MGAT5: variants seen among roughly 807,000 people sequenced by gnomAD.
MGAT5 encodes the protein alpha-1,6-mannosylglycoprotein 6-beta-N-acetylglucosaminyltransferase.
MGAT5 carries 30 observed loss-of-function variants against 94.3 expected under a neutral mutation model. The observed-to-expected ratio is 0.32, with a 90% CI of 0.24 to 0.43. MGAT5 has a LOEUF of 0.43. MGAT5 is among the 20% of genes least tolerant of loss of function. The probability of loss-of-function intolerance (pLI) is 1.00; values close to 1 mark genes in which losing one functional copy is unlikely to be tolerated. For synonymous variants in MGAT5, 310 were observed against 322.9 expected (o/e 0.96, Z 0.43); for missense variants, 691 against 905.5 (o/e 0.76, Z 3.04).
intron 2 of MGAT5, among the ~76,000 whole-genome samples, chr2:134,297,685 A>G (rs981837816): frequency 1.3e-5 from 2 of 152,214 alleles, no homozygotes; most frequent in Non-Finnish European, 2.9e-5. Context: ...CTGATTCATG[A>G]AAGCAATTCT....
intron 1 of MGAT5, among the ~76,000 whole-genome samples, chr2:134,167,416 G>A (rs1688012126): frequency 6.6e-6 from 1 of 152,218 alleles, no homozygotes; most frequent in Non-Finnish European, 1.5e-5. Context: ...ACTTCAGCAT[G>A]CATCCAAGAA....
chr2:134,279,814 A>C (rs940361254), intron 2 of MGAT5, among the ~76,000 whole-genome samples: 3 of 152,240 alleles, frequency 2.0e-5, no homozygotes, highest in Non-Finnish European at 4.4e-5. Context: ...GATTCAATAG[A>C]CATTCCACAG....
chr2:134,346,084 T>C (rs1158822698), intron 8 of MGAT5, among the ~76,000 whole-genome samples: 1 of 152,194 alleles, frequency 6.6e-6, no homozygotes, highest in Non-Finnish European at 1.5e-5. Context: ...GGTGTTTTTC[T>C]GGTTTTTGGC....
chr2:134,120,054 G>A (rs866888521), upstream of MGAT5: 51 of 152,852 alleles, frequency 3.3e-4, no homozygotes, highest in African/African-American at 1.2e-3. Flanking sequence ...CCTCTGCTGC[G>A]TCTCGGGGCT....
rs1346335006 is a variant in MGAT5 at position 134,209,176 on chromosome 2, T to A, written c.-142-45086T>A. ...TATTTTTTTTTTTTTTTTTATTTTTTTTTTTATTTTTTAATTATTATTATT... is the reference window on the plus strand; with the variant it reads ...TATTTTTTTTTTTTTTTTTATTTTTATTTTTATTTTTTAATTATTATTATT... On this transcript the variant is annotated intron_variant, in intron 1 of 16. Transcript: ENST00000409645. 1.0e-3 allele frequency among the ~76,000 whole-genome samples: 21 copies of A among 20,258 alleles called. 2 individuals carry two copies. The highest frequency in any genetic ancestry group is 6.8e-3 in the East Asian group (1 of 146). 13.3% of individuals were successfully genotyped at this position (20,258 alleles called of 152,430 possible). A position where few individuals can be genotyped will look rare whatever the true frequency, so the allele number is the denominator to read the frequency against.
chr2:134,361,350 C>A (rs985934726), intron 9 of MGAT5, among the ~76,000 whole-genome samples: 3 of 152,192 alleles, frequency 2.0e-5, no homozygotes, highest in African/African-American at 7.2e-5. Context: ...TAATATCAGC[C>A]ACACATGGGC....
chr2:134,316,736 A>G (rs368311621), intron 2 of MGAT5, among the ~76,000 whole-genome samples: 3 of 152,144 alleles, frequency 2.0e-5, no homozygotes, highest in East Asian at 1.9e-4. Context: ...CTGGTGTTCT[A>G]TGGCACTGTA....
intron 9 of MGAT5, among the ~76,000 whole-genome samples, chr2:134,352,160 G>A (rs1023887886): frequency 6.6e-5 from 10 of 152,116 alleles, no homozygotes; most frequent in African/African-American, 1.9e-4. Flanking sequence ...TAGCAAAACC[G>A]CCTCTGCATT....
At chr2:134,269,896 CTGTAGCTT>C (rs1488019444) in intron 1 of MGAT5, among the ~76,000 whole-genome samples, 1 of 152,164 alleles carries the variant, frequency 6.6e-6, no homozygotes, top group African/African-American at 2.4e-5. Flanking sequence ...AAATCTGGAG[CTGTAGCTT>C]TTATGAAGTG....
At chr2:134,249,861 C>T (rs940682832), upstream of MGAT5, among the ~76,000 whole-genome samples, 2 of 152,236 alleles carry the variant, frequency 1.3e-5, no homozygotes, top group South Asian at 2.1e-4. Context: ...ACACTGGCTG[C>T]GCCATTTGAT....
At chr2:134,214,220 C>A (rs1164642281) in intron 1 of MGAT5, among the ~76,000 whole-genome samples, 2 of 151,858 alleles carry the variant, frequency 1.3e-5, no homozygotes, top group African/African-American at 4.8e-5. Flanking sequence ...GCTTCCAAGA[C>A]CCTTGAAAGC....
chr2:134,341,372 C>T (rs980483346), intron 6 of MGAT5, among the ~76,000 whole-genome samples: 4 of 152,200 alleles, frequency 2.6e-5, no homozygotes, highest in African/African-American at 7.2e-5. Flanking sequence ...ACCTTGTACT[C>T]ATAGCCATAC....
At chr2:134,222,946 C>CT (rs1271532993) in intron 1 of MGAT5, among the ~76,000 whole-genome samples, 1 of 151,912 alleles carries the variant, frequency 6.6e-6, no homozygotes, top group Non-Finnish European at 1.5e-5. Context: ...CAGCAATTAG[C>CT]TATACAAAAC....
chr2:134,327,089 A>G (rs1007559176), intron 4 of MGAT5, among the ~76,000 whole-genome samples: 8 of 152,132 alleles, frequency 5.3e-5, no homozygotes, highest in African/African-American at 1.9e-4. Flanking sequence ...AAAATTGGCT[A>G]TAGTTTTTTG....
Position 134,341,779 on chromosome 2 carries a change from A to G in MGAT5, c.977+20A>G, listed in dbSNP as rs775555496. 5.7e-6 allele frequency: 9 copies of G among 1,579,428 alleles called. No individual in the cohort carries two copies. Among genetic ancestry groups the G allele is most frequent in the African/African-American group, 1.4e-5 (1 of 72,844 alleles). On this transcript the variant is annotated intron_variant, in intron 7 of 15. Transcript: ENST00000281923. ...CAAGGAGTAAGGAGATTACTTTTCAATTTTAAAATCAGAATACAAAAAAGA... is the reference window on the plus strand; with the variant it reads ...CAAGGAGTAAGGAGATTACTTTTCAGTTTTAAAATCAGAATACAAAAAAGA...
intron 1 of MGAT5, among the ~76,000 whole-genome samples, chr2:134,166,411 G>A (rs1402641731): frequency 6.6e-6 from 1 of 152,192 alleles, no homozygotes; most frequent in Non-Finnish European, 1.5e-5. Context: ...TAAACATTCT[G>A]GGTTTCTGGG....
chr2:134,128,163 G>A (rs1183693561), intron 1 of MGAT5, among the ~76,000 whole-genome samples: 1 of 151,132 alleles, frequency 6.6e-6, no homozygotes, highest in Admixed American at 6.6e-5. Context: ...GAGCCCAGGA[G>A]TTTGAGACCA....
intron 4 of MGAT5, 52 bp downstream of exon 4, chr2:134,318,791 C>A: frequency 7.8e-7 from 1 of 1,275,210 alleles, no homozygotes; most frequent in East Asian, 2.3e-5. Context: ...TTGGACTGTT[C>A]TGTAGCTGAG....
At chr2:134,282,320 T>C (rs1018364065) in intron 2 of MGAT5, among the ~76,000 whole-genome samples, 5 of 152,202 alleles carry the variant, frequency 3.3e-5, no homozygotes, top group Admixed American at 2.0e-4. Flanking sequence ...GCCAGGCACC[T>C]GGGGATTAAT....
Sources: allele counts gnomAD v4.1 joint callset (sites outside exome capture counted in the v4.1 genomes callset), GRCh38; gene constraint gnomAD v4.1.1; transcripts MANE v1.5; gene names NCBI Gene and HGNC (gene_info 2026-07-23, HGNC 2026-07-21).